Variants in FGFR2 observed in about 807,000 individuals in gnomAD.
FGFR2 encodes BEK fibroblast growth factor receptor.
Under a neutral mutation model 95.9 loss-of-function variants are expected in FGFR2, and 19 were observed. The ratio of observed to expected loss-of-function variants is 0.20; its 90% CI spans 0.14 to 0.29. The LOEUF is 0.29. Among genes scored for constraint, FGFR2 ranks in the 10% least tolerant of loss-of-function variants. The pLI, the probability that FGFR2 is intolerant of heterozygous loss-of-function variation, is 1.00. For synonymous variants in FGFR2, 392 were observed against 393.3 expected (o/e 1.00, Z 0.04); for missense variants, 707 against 1,056.9 (o/e 0.67, Z 4.59).
intron 2 of FGFR2, among the ~76,000 whole-genome samples, chr10:121,576,413 G>A (rs949769522): frequency 1.3e-5 from 2 of 152,148 alleles, no homozygotes; most frequent in South Asian, 2.1e-4. Flanking sequence ...GCTGGACATA[G>A]CAGAGAAAGC....
At chr10:121,513,387 A>G (rs1307607719) in intron 9 of FGFR2, among the ~76,000 whole-genome samples, 1 of 152,224 alleles carries the variant, frequency 6.6e-6, no homozygotes, top group African/African-American at 2.4e-5. Flanking sequence ...CACTGGGGAA[A>G]GAAAACACGA....
chr10:121,513,736 C>G (rs557088007), intron 9 of FGFR2, among the ~76,000 whole-genome samples: 1 of 152,160 alleles, frequency 6.6e-6, no homozygotes. Context: ...ACAGGCCCCT[C>G]TTTTCCATGC....
At chr10:121,541,069 C>T (rs190914870) in intron 5 of FGFR2, among the ~76,000 whole-genome samples, 14 of 152,234 alleles carry the variant, frequency 9.2e-5, no homozygotes, top group Admixed American at 8.5e-4. Context: ...TTCAAGAGCA[C>T]GTGCTCTCTG....
chr10:121,522,014 T>C (rs549557841), intron 6 of FGFR2, among the ~76,000 whole-genome samples: 2 of 152,314 alleles, frequency 1.3e-5, no homozygotes, highest in South Asian at 4.1e-4. Context: ...GCCATGATGC[T>C]AAGTGAAACA....
chr10:121,519,462 T>G (rs937807565), intron 7 of FGFR2, among the ~76,000 whole-genome samples: 1 of 152,190 alleles, frequency 6.6e-6, no homozygotes, highest in African/African-American at 2.4e-5. Context: ...GTCAGGGTTT[T>G]GTTTTGTTTT....
chr10:121,489,785 T>C (rs1265271124), intron 13 of FGFR2, among the ~76,000 whole-genome samples: 1 of 152,250 alleles, frequency 6.6e-6, no homozygotes, highest in Non-Finnish European at 1.5e-5. Context: ...GTCCACACCA[T>C]GCCTTTCCCA....
Position 121,593,921 on chromosome 10 carries a change from C to T in FGFR2, c.-104G>A, listed in dbSNP as rs1272883040. 2 of 1,061,534 alleles carry T rather than the reference C, an allele frequency of 1.9e-6. No homozygotes were observed. Among genetic ancestry groups the T allele is most frequent in the East Asian group, 2.4e-5 (1 of 40,918 alleles). 65.8% of individuals were successfully genotyped at this position (1,061,534 alleles called of 1,614,324 possible). A position where few individuals can be genotyped will look rare whatever the true frequency, so the allele number is the denominator to read the frequency against. ...ATGGACTACGCGCAATGCCTTCAGC[C>T]TGCGGTGGGCTCAGGAACCGAGGCG... On this transcript the variant is annotated 5_prime_UTR_variant, in exon 2 of 18. Transcript: ENST00000358487.
intron 1 of FGFR2, among the ~76,000 whole-genome samples, chr10:121,596,110 C>T (rs1186721912): frequency 6.6e-6 from 1 of 152,230 alleles, no homozygotes; most frequent in Admixed American, 6.5e-5. Flanking sequence ...CATAATCCTT[C>T]CTGGAGTCTG....
chr10:121,548,921 C>G (rs945112399), intron 5 of FGFR2, among the ~76,000 whole-genome samples: 1 of 151,990 alleles, frequency 6.6e-6, no homozygotes, highest in Non-Finnish European at 1.5e-5. Flanking sequence ...AAAGGGCCAA[C>G]CTTTGAATCT....
chr10:121,504,479 T>C (rs1195977123), intron 9 of FGFR2, among the ~76,000 whole-genome samples: 1 of 152,148 alleles, frequency 6.6e-6, no homozygotes. Context: ...GTGGAAGACA[T>C]TCAGTAGCTC....
At chr10:121,547,127 G>A (rs1589939399) in intron 5 of FGFR2, among the ~76,000 whole-genome samples, 1 of 152,282 alleles carries the variant, frequency 6.6e-6, no homozygotes, top group South Asian at 2.1e-4. Flanking sequence ...GTGAGGCTGA[G>A]ACAGGAAAAT....
Position 121,479,704 on chromosome 10 carries a change from T to A in FGFR2, c.*153A>T. On this transcript the variant is annotated 3_prime_UTR_variant, in exon 18 of 18. Transcript: ENST00000358487. ...GATTACAAGTTTTCAACTGTATAAATCTTTACACATATGCTGATTACTTTT... is the reference window on the plus strand; with the variant it reads ...GATTACAAGTTTTCAACTGTATAAAACTTTACACATATGCTGATTACTTTT... 6.3e-7 allele frequency: 1 copy of A among 1,588,074 alleles called. No homozygotes were observed. Among genetic ancestry groups the A allele is most frequent in the South Asian group, 1.1e-5 (1 of 88,266 alleles).
Position 121,505,916 on chromosome 10 carries a change from G to A in FGFR2, c.1288-1975C>T, listed in dbSNP as rs561769326. On this transcript the variant is annotated intron_variant, in intron 9 of 17. Transcript: ENST00000358487. ...CTAATTCATTCTGCATCAGGGCCGT[G>A]TGCTGTGGATGCTTAAGTACGCAGG... Among the ~76,000 whole-genome samples, 25 of 152,300 alleles carry A rather than the reference G, an allele frequency of 1.6e-4. No individual in the cohort carries two copies. In the South Asian group the frequency reaches 5.0e-3, roughly 30 times the overall value.
chr10:121,534,158 G>A (rs1852485976), intron 6 of FGFR2, among the ~76,000 whole-genome samples: 1 of 143,376 alleles, frequency 7.0e-6, no homozygotes, highest in African/African-American at 2.8e-5. Context: ...GAGTGCAATG[G>A]CACAATCTCA....
intron 13 of FGFR2, among the ~76,000 whole-genome samples, chr10:121,490,999 G>A: frequency 6.6e-6 from 1 of 152,262 alleles, no homozygotes; most frequent in Non-Finnish European, 1.5e-5. Context: ...TTGGAGGCCT[G>A]TTCAAATTGA....
chr10:121,542,780 C>T (rs547889286), intron 5 of FGFR2, among the ~76,000 whole-genome samples: 1 of 152,242 alleles, frequency 6.6e-6, no homozygotes, highest in African/African-American at 2.4e-5. Flanking sequence ...ACAGGTTTTT[C>T]GGAATTCTTC....
intron 13 of FGFR2, among the ~76,000 whole-genome samples, chr10:121,490,197 CTT>C (rs1395404651): frequency 2.3e-5 from 2 of 87,090 alleles, no homozygotes; most frequent in Non-Finnish European, 4.1e-5. Context: ...GAGTTTCACT[CTT>C]GTTTCCCAGG....
At chr10:121,486,638 C>T (rs563759319) in intron 15 of FGFR2, among the ~76,000 whole-genome samples, 33 of 152,306 alleles carry the variant, frequency 2.2e-4, no homozygotes, top group Middle Eastern at 3.4e-3. Context: ...GACGGGGTTT[C>T]ACCATGTTGG....
At chr10:121,556,157 A>T (rs1203870911) in intron 4 of FGFR2, among the ~76,000 whole-genome samples, 3 of 152,182 alleles carry the variant, frequency 2.0e-5, no homozygotes, top group Non-Finnish European at 4.4e-5. Flanking sequence ...CGGATGGATG[A>T]CTATTAAAAG....
Sources: gnomAD v4.1 joint callset for allele counts (sites outside exome capture counted in the v4.1 genomes callset) on GRCh38, gnomAD v4.1.1 for gene constraint, MANE v1.5 for transcripts, NCBI Gene and HGNC (gene_info 2026-07-23, HGNC 2026-07-21) for gene names.